Variants in PLCH1 observed in about 807,000 individuals in gnomAD.
PLCH1 encodes 1-phosphatidylinositol 4,5-bisphosphate phosphodiesterase eta-1.
Under a neutral mutation model 126.7 loss-of-function variants are expected in PLCH1, and 60 were observed. That is an observed-to-expected ratio of 0.47 (90% CI 0.38 to 0.59). PLCH1 has a LOEUF of 0.59. Ranked by LOEUF, PLCH1 falls within the 20% of genes least tolerant of loss-of-function variation. PLCH1 has a pLI of 0.00. For missense variants in PLCH1, 1,723 were observed against 2,040.0 expected (o/e 0.84, Z 2.99); for synonymous variants, 719 against 734.9 (o/e 0.98, Z 0.35).
intron 2 of PLCH1, among the ~76,000 whole-genome samples, chr3:155,659,289 T>C (rs1700050551): frequency 7.2e-6 from 1 of 139,842 alleles, no homozygotes; most frequent in Non-Finnish European, 1.5e-5. Flanking sequence ...AGGCGTGAGA[T>C]GTCTATTCAC....
At chr3:155,712,580 G>A (rs1342585679) in intron 1 of PLCH1, among the ~76,000 whole-genome samples, 1 of 151,924 alleles carries the variant, frequency 6.6e-6, no homozygotes. Context: ...ATCTTTAAAA[G>A]ATAACTTTAA....
At chr3:155,451,519 T>C (rs1712307142) in intron 21 of PLCH1, among the ~76,000 whole-genome samples, 1 of 152,140 alleles carries the variant, frequency 6.6e-6, no homozygotes, top group Non-Finnish European at 1.5e-5. Flanking sequence ...TAGCTAAACA[T>C]TACTTATGGG....
intron 8 of PLCH1, among the ~76,000 whole-genome samples, chr3:155,555,274 G>C (rs1726673046): frequency 6.6e-6 from 1 of 152,216 alleles, no homozygotes; most frequent in Admixed American, 6.5e-5. Flanking sequence ...AGGGAACACA[G>C]CTGGACTCTA....
intron 2 of PLCH1, among the ~76,000 whole-genome samples, chr3:155,633,760 A>C (rs1285852923): frequency 6.6e-6 from 1 of 152,138 alleles, no homozygotes; most frequent in Non-Finnish European, 1.5e-5. Context: ...ATCTCTACTA[A>C]ACTACAAAAA....
At chr3:155,677,326 T>A (rs1054773402) in intron 2 of PLCH1, among the ~76,000 whole-genome samples, 3 of 152,238 alleles carry the variant, frequency 2.0e-5, no homozygotes, top group African/African-American at 7.2e-5. Context: ...CCAATTCACC[T>A]GTGTCCCAAT....
chr3:155,631,670 C>A (rs1454549840), intron 2 of PLCH1, among the ~76,000 whole-genome samples: 1 of 152,138 alleles, frequency 6.6e-6, no homozygotes, highest in Admixed American at 6.6e-5. Flanking sequence ...AGAACAAGAA[C>A]AATTCAAACA....
chr3:155,678,619 T>C (rs1744278553), intron 2 of PLCH1, among the ~76,000 whole-genome samples: 1 of 152,180 alleles, frequency 6.6e-6, no homozygotes, highest in African/African-American at 2.4e-5. Context: ...CTCCCCTGTA[T>C]TCTCCCAACA....
At chr3:155,702,478 G>A (rs1283704937) in intron 2 of PLCH1, among the ~76,000 whole-genome samples, 1 of 152,116 alleles carries the variant, frequency 6.6e-6, no homozygotes, top group Non-Finnish European at 1.5e-5. Flanking sequence ...CATAAAATGG[G>A]TTGAATAATA....
intron 2 of PLCH1, among the ~76,000 whole-genome samples, chr3:155,600,296 A>G (rs1348200674): frequency 6.6e-6 from 1 of 152,200 alleles, no homozygotes; most frequent in African/African-American, 2.4e-5. Context: ...ACGTGTCAGC[A>G]CAAGCCACTT....
At chr3:155,553,259 T>A (rs919929207) in intron 9 of PLCH1, among the ~76,000 whole-genome samples, 18 of 152,096 alleles carry the variant, frequency 1.2e-4, no homozygotes, top group African/African-American at 4.3e-4. Context: ...GGATTACAGA[T>A]GTGTACCACT....
At chr3:155,518,819 C>T (rs1720693697) in intron 11 of PLCH1, among the ~76,000 whole-genome samples, 1 of 152,154 alleles carries the variant, frequency 6.6e-6, no homozygotes, top group African/African-American at 2.4e-5. Context: ...CCTTCTCTCA[C>T]TCAGGGCCTC....
intron 1 of PLCH1, among the ~76,000 whole-genome samples, chr3:155,737,751 T>C (rs2109205063): frequency 6.6e-6 from 1 of 152,272 alleles, no homozygotes; most frequent in African/African-American, 2.4e-5. Flanking sequence ...ATCAACTCAC[T>C]GAATTTCTGG....
chr3:155,737,079 G>T lies in PLCH1; in HGVS notation c.-41+7761C>A, dbSNP rs551851117. On this transcript the variant is annotated intron_variant, in intron 1 of 22. Transcript: ENST00000460012. ...ACCCCGTCTCTACTAAAATACAAAA[G>T]AAATTAGCCGGGCGTGGTGGCGCAC... Among the ~76,000 whole-genome samples, 384 of 151,234 alleles carry T rather than the reference G, an allele frequency of 2.5e-3. 2 individuals are homozygous for T. The highest frequency in any genetic ancestry group is 4.0e-3 in the Non-Finnish European group (268 of 67,740).
chr3:155,645,518 C>A (rs1288003463), intron 2 of PLCH1, among the ~76,000 whole-genome samples: 1 of 152,202 alleles, frequency 6.6e-6, no homozygotes, highest in African/African-American at 2.4e-5. Flanking sequence ...GCTCTGTTGC[C>A]TAGGCTAGAA....
chr3:155,661,526 G>A (rs1742144407), intron 2 of PLCH1, among the ~76,000 whole-genome samples: 2 of 152,062 alleles, frequency 1.3e-5, no homozygotes, highest in South Asian at 4.2e-4. Context: ...AAATCCTTCA[G>A]TGCCTTCATT....
intron 10 of PLCH1, among the ~76,000 whole-genome samples, chr3:155,537,202 C>CAAAAAAAAAAAAAAAAAAAAAAA (rs535908017): frequency 1.8e-3 from 19 of 10,432 alleles, no homozygotes; most frequent in South Asian, 5.0e-3. Context: ...AAAAAAAAAC[C>CAAAAAAAAAAAAAAAAAAAAAAA]AAAAAAAAAA....
intron 10 of PLCH1, among the ~76,000 whole-genome samples, chr3:155,541,445 G>C (rs1724215162): frequency 6.6e-6 from 1 of 152,118 alleles, no homozygotes; most frequent in African/African-American, 2.4e-5. Flanking sequence ...TGGACACTTG[G>C]AGGCCATTGT....
intron 21 of PLCH1, among the ~76,000 whole-genome samples, chr3:155,487,509 C>T (rs1715431549): frequency 6.6e-6 from 1 of 152,204 alleles, no homozygotes; most frequent in African/African-American, 2.4e-5. Flanking sequence ...AATGCATTTA[C>T]ATGGTCGCCT....
At chr3:155,461,616 G>A (rs1712731328) in intron 21 of PLCH1, among the ~76,000 whole-genome samples, 1 of 152,148 alleles carries the variant, frequency 6.6e-6, no homozygotes, top group African/African-American at 2.4e-5. Flanking sequence ...ATGGCCTCAT[G>A]GGAAATCCTC....
Sources: gnomAD v4.1 joint callset for allele counts (sites outside exome capture counted in the v4.1 genomes callset) on GRCh38, gnomAD v4.1.1 for gene constraint, MANE v1.5 for transcripts, NCBI Gene and HGNC (gene_info 2026-07-23, HGNC 2026-07-21) for gene names.